Variants in AK9 observed in about 807,000 individuals in gnomAD.
AK9 encodes the protein adenylate kinase 9, also known as adenylate kinase domain containing 1.
Under a neutral mutation model 239.6 loss-of-function variants are expected in AK9, and 191 were observed. The observed-to-expected ratio is 0.80, with a 90% CI of 0.71 to 0.90. The LOEUF is 0.90. Ranked by LOEUF, AK9 falls within the 40% of genes least tolerant of loss-of-function variation. The pLI, the probability that AK9 is intolerant of heterozygous loss-of-function variation, is 0.00. For synonymous variants in AK9, 689 were observed against 721.0 expected, an observed-to-expected ratio of 0.96 and a Z score of 0.71; for missense variants, 1,995 against 2,214.7, an observed-to-expected ratio of 0.90 and a Z score of 1.99.
At chr6:109,565,699 G>A (rs1348208824) in intron 21 of AK9, among the ~76,000 whole-genome samples, 1 of 152,144 alleles carries the variant, frequency 6.6e-6, no homozygotes. Flanking sequence ...GGGAAGGCAG[G>A]ACTAATTATC....
At chr6:109,513,337 A>G (rs1340832528) in intron 32 of AK9, among the ~76,000 whole-genome samples, 1 of 151,674 alleles carries the variant, frequency 6.6e-6, no homozygotes, top group East Asian at 2.0e-4. Flanking sequence ...GACTGTATGA[A>G]CCATATTCCT....
At chr6:109,512,069 C>G (rs1007104883) in intron 32 of AK9, among the ~76,000 whole-genome samples, 7 of 152,114 alleles carry the variant, frequency 4.6e-5, no homozygotes, top group Non-Finnish European at 8.8e-5. Context: ...CATTCCCAGA[C>G]AGTTAAGGCA....
intron 17 of AK9, among the ~76,000 whole-genome samples, chr6:109,596,023 A>C (rs917197447): frequency 1.3e-5 from 2 of 152,170 alleles, no homozygotes; most frequent in African/African-American, 4.8e-5. Context: ...AAAATAAATA[A>C]ATAAATAAAA....
intron 17 of AK9, among the ~76,000 whole-genome samples, chr6:109,587,625 T>C (rs1173949599): frequency 1.3e-5 from 2 of 152,170 alleles, no homozygotes; most frequent in African/African-American, 2.4e-5. Context: ...TGTGTCTGAG[T>C]TGTTTCACTT....
intron 20 of AK9, 91 bp downstream of exon 20, chr6:109,579,459 G>T: frequency 8.0e-7 from 1 of 1,253,266 alleles, no homozygotes; most frequent in South Asian, 1.4e-5. Context: ...TGGGAAATGT[G>T]ATCACCCAGT....
chr6:109,506,269 C>A, intron 35 of AK9, 58 bp downstream of exon 35: 1 of 1,494,226 alleles, frequency 6.7e-7, no homozygotes, highest in South Asian at 1.2e-5. Flanking sequence ...TAACATGAGT[C>A]AGGCATGTTT....
intron 1 of AK9, among the ~76,000 whole-genome samples, chr6:109,680,138 GATA>G (rs1353058055): frequency 6.6e-6 from 1 of 152,114 alleles, no homozygotes; most frequent in Non-Finnish European, 1.5e-5. Flanking sequence ...TCAGAAGGTG[GATA>G]ATAACAAACT....
chr6:109,514,741 T>C (rs2128114274), intron 31 of AK9, among the ~76,000 whole-genome samples: 2 of 152,312 alleles, frequency 1.3e-5, no homozygotes, highest in Middle Eastern at 6.8e-3. Context: ...CCTAAGGTTG[T>C]TTGCATTTAT....
At chr6:109,560,964 A>T (rs1276139770) in intron 24 of AK9, among the ~76,000 whole-genome samples, 4 of 151,476 alleles carry the variant, frequency 2.6e-5, no homozygotes, top group Non-Finnish European at 5.9e-5. Context: ...TTATTTTTTT[A>T]TTTTTATTTT....
chr6:109,618,440 A>C (rs538626516), intron 13 of AK9, among the ~76,000 whole-genome samples: 44 of 149,066 alleles, frequency 3.0e-4, no homozygotes, highest in South Asian at 4.4e-4. Flanking sequence ...AAAAAAAAAA[A>C]CAAAACGCTT....
intron 10 of AK9, among the ~76,000 whole-genome samples, chr6:109,638,956 C>T (rs1216598149): frequency 6.6e-6 from 1 of 152,164 alleles, no homozygotes; most frequent in Non-Finnish European, 1.5e-5. Context: ...CCAGTTTCAT[C>T]CATGTCCCTG....
chr6:109,571,151 C>G (rs143497365), intron 21 of AK9, among the ~76,000 whole-genome samples: 70 of 152,240 alleles, frequency 4.6e-4, no homozygotes, highest in African/African-American at 1.7e-3. Context: ...GACCAGATGA[C>G]TAAGAGATGA....
At position 109,550,283 on chromosome 6, in the gene AK9, T is replaced by C; in HGVS notation, c.2771A>G (p.Glu924Gly). ...TGTGTCTCCCAAATGCCTCTTTCTCTCCTTCATTTTATCTTCACCCTAGAA... is the reference window on the plus strand; with the variant it reads ...TGTGTCTCCCAAATGCCTCTTTCTCCCCTTCATTTTATCTTCACCCTAGAA... ...EEEEGEDKMK[E>G]RKRHLGDTKH... Residue 924 changes from glutamate (E) to glycine (G), a missense_variant, in exon 25 of 41, where the codon GAG (glutamate) becomes GGG (glycine). Glu to Gly is a moderately conservative substitution (Grantham distance 98). Transcript: ENST00000424296. 1 of 1,610,820 alleles carries C rather than the reference T, an allele frequency of 6.2e-7. No homozygotes were observed. Among genetic ancestry groups the C allele is most frequent in the Non-Finnish European group, 8.5e-7 (1 of 1,179,960 alleles).
intron 8 of AK9, among the ~76,000 whole-genome samples, chr6:109,652,866 A>G (rs1799165080): frequency 6.6e-6 from 1 of 152,214 alleles, no homozygotes; most frequent in South Asian, 2.1e-4. Flanking sequence ...ATGTTCAGTA[A>G]CACAGAATAT....
At chr6:109,599,167 G>A (rs1354760652) in intron 17 of AK9, among the ~76,000 whole-genome samples, 1 of 152,120 alleles carries the variant, frequency 6.6e-6, no homozygotes, top group Non-Finnish European at 1.5e-5. Flanking sequence ...TGCCCTGAAT[G>A]GTATTGCCTA....
intron 1 of AK9, among the ~76,000 whole-genome samples, chr6:109,682,196 T>C (rs911158822): frequency 1.3e-5 from 2 of 151,840 alleles, no homozygotes; most frequent in Non-Finnish European, 2.9e-5. Context: ...GAGGCCTAGG[T>C]GGGCGGATCA....
At chr6:109,567,720 C>A (rs1297917889) in intron 21 of AK9, among the ~76,000 whole-genome samples, 1 of 112,498 alleles carries the variant, frequency 8.9e-6, no homozygotes, top group Non-Finnish European at 1.7e-5. Flanking sequence ...ACATCACACA[C>A]TGGGGCCTGT....
intron 8 of AK9, among the ~76,000 whole-genome samples, chr6:109,649,147 C>T (rs1317152636): frequency 6.6e-6 from 1 of 152,102 alleles, no homozygotes; most frequent in East Asian, 1.9e-4. Flanking sequence ...ACTGAATGGA[C>T]ACAAACTGGA....
At chr6:109,588,923 T>C (rs1401659141) in intron 17 of AK9, among the ~76,000 whole-genome samples, 1 of 152,190 alleles carries the variant, frequency 6.6e-6, no homozygotes, top group East Asian at 1.9e-4. Context: ...TATTCTTTTC[T>C]ATCAATCTAA....
Sources: gnomAD v4.1 joint callset for allele counts (sites outside exome capture counted in the v4.1 genomes callset) on GRCh38, gnomAD v4.1.1 for gene constraint, MANE v1.5 for transcripts, NCBI Gene and HGNC (gene_info 2026-07-23, HGNC 2026-07-21) for gene names.